The following ZC3H4 variants were observed in gnomAD, a reference collection of about 807,000 sequenced individuals.
ZC3H4 encodes zinc finger CCCH-type containing 4, also known as zinc finger CCCH domain-containing protein 4.
Under a neutral mutation model 108.3 loss-of-function variants are expected in ZC3H4, and 13 were observed. The ratio of observed to expected loss-of-function variants is 0.12; its 90% confidence interval spans 0.08 to 0.19. The LOEUF is 0.19. Ranked by LOEUF, ZC3H4 falls within the 10% of genes least tolerant of loss-of-function variation. The pLI, the probability that ZC3H4 is intolerant of heterozygous loss-of-function variation, is 1.00. For synonymous variants in ZC3H4, 917 were observed against 749.6 expected, an observed-to-expected ratio of 1.22 and a Z score of -3.65; for missense variants, 1,734 against 1,838.8, an observed-to-expected ratio of 0.94 and a Z score of 1.04.
intron 1 of ZC3H4, among the ~76,000 whole-genome samples, chr19:47,113,071 G>A (rs992890017): frequency 6.6e-5 from 10 of 152,260 alleles, no homozygotes; most frequent in African/African-American, 2.4e-4. Flanking sequence ...CGCCCTGGGT[G>A]CCCCGGCTGC....
At chr19:47,082,413 G>A (rs932510635) in intron 9 of ZC3H4, 118 bp from the exon 10 acceptor site, 16 of 756,114 alleles carry the variant, frequency 2.1e-5, no homozygotes, top group Non-Finnish European at 3.3e-5. Flanking sequence ...TGACAGAAAC[G>A]AATCCCCCTT....
Position 47,066,640 on chromosome 19 carries a change from T to A in ZC3H4, c.3628A>T (p.Thr1210Ser). 6 of 1,611,716 alleles carry A rather than the reference T, an allele frequency of 3.7e-6. No homozygotes were observed. Among genetic ancestry groups the A allele is most frequent in the South Asian group, 1.1e-5 (1 of 90,802 alleles). The change falls in exon 15 of 15, where the codon ACC becomes TCC. Residue 1210 changes from threonine to serine, a missense_variant. Coordinates refer to ENST00000253048, the MANE Select transcript of ZC3H4 (RefSeq NM_015168.2). Reference protein sequence around the residue: ...ETGKAGADGGTPTDRYNSYNR... With the variant: ...ETGKAGADGGSPTDRYNSYNR... ...TAGCTGTTGTATCTGTCCGTGGGGG[T>A]GCCCCCATCAGCACCGGCCTTCCCT...
intron 2 of ZC3H4, among the ~76,000 whole-genome samples, chr19:47,104,430 A>C (rs1397118551): frequency 3.9e-5 from 6 of 152,204 alleles, no homozygotes; most frequent in Non-Finnish European, 8.8e-5. Flanking sequence ...CAGTAACCCC[A>C]CATTTCCAAG....
intron 11 of ZC3H4, among the ~76,000 whole-genome samples, chr19:47,075,257 G>A (rs971635119): frequency 6.6e-6 from 1 of 152,172 alleles, no homozygotes; most frequent in Non-Finnish European, 1.5e-5. Context: ...AGGGGGACCC[G>A]TGGAGGCAGA....
rs1261771891 is a variant in ZC3H4, at chr19:47,072,669, C to T, written c.1485G>A (p.Glu495=). 1 of 1,613,834 alleles carries T rather than the reference C, an allele frequency of 6.2e-7. No individual in the cohort carries two copies. The highest frequency in any genetic ancestry group is 1.3e-5 in the African/African-American group (1 of 75,040). ...DAEAGAEDEK[E]VEELKKQGIN... ...TGCCCTGCTTCTTCAGTTCCTCCAC[C>T]TCCTTCTCATCCTCGGCACCTGCTT... is the stretch of plus-strand genomic sequence containing the variant. Residue 495 remains glutamate, a synonymous_variant, in exon 12 of 15, where the codon GAG becomes GAA. Coordinates refer to ENST00000253048, the MANE Select transcript of ZC3H4 (RefSeq NM_015168.2). The surrounding 1 kb of genome is among the most constrained non-coding windows in gnomAD (Gnocchi z 5.6).
At chr19:47,075,867 C>T (rs530190423) in intron 11 of ZC3H4, among the ~76,000 whole-genome samples, 1 of 152,212 alleles carries the variant, frequency 6.6e-6, no homozygotes, top group Non-Finnish European at 1.5e-5. Context: ...TCAACCCAAA[C>T]TGCCCATCGG....
rs776602376 is a variant in ZC3H4 at position 47,082,157 on chromosome 19, A to G, written c.1330+27T>C. On this transcript the variant is annotated intron_variant, in intron 10 of 14. Transcript: ENST00000253048. ...GCAGAGAAGTTCTGCGCCCTCATTC[A>G]GACCAGATGCTGGCACTAAAGGATA... 5 of 1,583,660 alleles carry G rather than the reference A, an allele frequency of 3.2e-6. No individual in the cohort carries two copies. In the East Asian group the frequency reaches 8.9e-5, roughly 28 times the overall value.
intron 2 of ZC3H4, among the ~76,000 whole-genome samples, chr19:47,108,566 T>C (rs1350705143): frequency 6.6e-6 from 1 of 152,108 alleles, no homozygotes; most frequent in African/African-American, 2.4e-5. Flanking sequence ...CCAGGCCCAA[T>C]ATGAAATTGC....
chr19:47,071,534 G>A (rs1217223475), intron 13 of ZC3H4, among the ~76,000 whole-genome samples: 4 of 152,238 alleles, frequency 2.6e-5, no homozygotes, highest in African/African-American at 9.6e-5. Context: ...CCATGCTTCC[G>A]ATTCCAGGCA....
At chr19:47,084,020 A>G (rs2057570109) in intron 9 of ZC3H4, among the ~76,000 whole-genome samples, 3 of 151,974 alleles carry the variant, frequency 2.0e-5, no homozygotes, top group Admixed American at 2.0e-4. Context: ...AAGCTCAATA[A>G]CTTCACCAGG....
intron 2 of ZC3H4, among the ~76,000 whole-genome samples, chr19:47,110,397 G>A (rs984005359): frequency 6.6e-6 from 1 of 152,118 alleles, no homozygotes; most frequent in South Asian, 2.1e-4. Flanking sequence ...CTTTTACATC[G>A]ATTTTTGTCA....
At position 47,085,381 on chromosome 19, in the gene ZC3H4, C is replaced by T. The variant is rs912304188; in HGVS notation, c.904G>A (p.Asp302Asn). ...AGCTCCTTGGAGTACTCGTCATAGT[C>T]GTCGTCTCCCATTGGCTCCTCACTC... The part of the protein sequence containing the change: ...GESEEPMGDD[D>N]YDEYSKELNQ... Residue 302 changes from aspartate to asparagine, a missense_variant, in exon 7 of 15, where the codon GAC (aspartate) becomes AAC (asparagine). Physicochemically the swap from Asp to Asn is conservative, Grantham distance 23. Around this residue, in one of 9 missense-constraint regions of ZC3H4, gnomAD observed 403 missense variants for 457.0 expected, o/e 0.88. Coordinates refer to ENST00000253048, the MANE Select transcript of ZC3H4 (RefSeq NM_015168.2). 7 of 1,600,914 alleles carry T rather than the reference C, an allele frequency of 4.4e-6. No individual in the cohort carries two copies. Among genetic ancestry groups the T allele is most frequent in the African/African-American group, 1.3e-5 (1 of 74,504 alleles).
intron 2 of ZC3H4, 93 bp downstream of exon 2, chr19:47,112,331 C>T (rs1034374400): frequency 1.9e-4 from 227 of 1,195,808 alleles, no homozygotes; most frequent in Non-Finnish European, 2.3e-4. Flanking sequence ...TCCTCCTCCT[C>T]CGCGGCCCGG....
chr19:47,092,206 A>G (rs886906861), intron 4 of ZC3H4, among the ~76,000 whole-genome samples: 8 of 152,186 alleles, frequency 5.3e-5, no homozygotes, highest in Non-Finnish European at 1.2e-4. Context: ...TCCCATCTCA[A>G]TAAACAAACA....
In ZC3H4 at chr19:47,067,531, T is replaced by C; in HGVS notation, c.2737A>G (p.Ser913Gly). Reference sequence around the variant, plus strand: ...GGCGGCCCAGACCCCTTGGAACTGCTGGGGCCCACAGGGCTGGAATGAAGG... The same window carrying C: ...GGCGGCCCAGACCCCTTGGAACTGCCGGGGCCCACAGGGCTGGAATGAAGG... The part of the protein sequence containing the change: ...GSLHSSPVGP[S>G]SSKGSGPPPT... Residue 913 changes from serine (S) to glycine (G), a missense_variant, in exon 15 of 15, where the codon AGC becomes GGC. Coordinates refer to ENST00000253048, the MANE Select transcript of ZC3H4 (RefSeq NM_015168.2). The surrounding 1 kb of genome is among the most constrained non-coding windows in gnomAD (Gnocchi z 6.4). 2 of 1,596,758 alleles carry C rather than the reference T, an allele frequency of 1.3e-6. No homozygotes were observed. The highest frequency in any genetic ancestry group is 1.1e-5 in the South Asian group (1 of 88,586).
intron 11 of ZC3H4, among the ~76,000 whole-genome samples, chr19:47,077,244 G>A (rs2057439626): frequency 6.6e-6 from 1 of 151,914 alleles, no homozygotes; most frequent in Non-Finnish European, 1.5e-5. Context: ...GCCTGCGGGT[G>A]GATCACCTGA....
chr19:47,093,841 T>G, intron 4 of ZC3H4, 129 bp downstream of exon 4: 1 of 694,522 alleles, frequency 1.4e-6, no homozygotes, highest in Non-Finnish European at 2.3e-6. Flanking sequence ...AAATGGGGAT[T>G]AAATTAATAC....
At position 47,108,410 on chromosome 19, in the gene ZC3H4, G is replaced by C. The variant is rs551434208; in HGVS notation, c.161+4014C>G. ...TAACTGGATCTGACCTCTATGGAGA[G>C]ATGTTTCTACAGGCCCAATAGCCAT... On this transcript the variant is annotated intron_variant, in intron 2 of 14. Transcript: ENST00000253048. Among the ~76,000 whole-genome samples the C allele has an allele frequency of 3.0e-4, 45 of 152,298 alleles. 1 individual carries two copies. In the South Asian group the frequency reaches 6.6e-3, roughly 22 times the overall value.
In ZC3H4 at chr19:47,088,841, C is replaced by T. The variant is rs1317920235; in HGVS notation, c.715+1126G>A. Among the ~76,000 whole-genome samples the T allele has an allele frequency of 2.0e-5, 3 of 152,144 alleles. No homozygotes were observed. In the East Asian group the frequency reaches 5.8e-4, roughly 29 times the overall value. On this transcript the variant is annotated intron_variant, in intron 5 of 14. Coordinates refer to ENST00000253048, the MANE Select transcript of ZC3H4 (RefSeq NM_015168.2). ...CATGGTGGCTTCCAATCTATTTCTACTTGACAGCACTGGCCTAGGATCTCC... is the reference window on the plus strand; with the variant it reads ...CATGGTGGCTTCCAATCTATTTCTATTTGACAGCACTGGCCTAGGATCTCC...
Sources: allele counts gnomAD v4.1 joint callset (sites outside exome capture counted in the v4.1 genomes callset), GRCh38; gene constraint gnomAD v4.1.1; regional missense constraint gnomAD v4.1.1; non-coding constraint Gnocchi (gnomAD v3.1); transcripts MANE v1.5; gene names NCBI Gene and HGNC (gene_info 2026-07-23, HGNC 2026-07-21).